LRP1B: variants seen among roughly 807,000 people sequenced by gnomAD.
The protein encoded by LRP1B is low-density lipoprotein receptor-related protein 1B.
Under a neutral mutation model 556.6 loss-of-function variants are expected in LRP1B, and 217 were observed. The observed-to-expected ratio is 0.39, with a 90% CI of 0.35 to 0.44. LRP1B has a LOEUF of 0.44. Among genes scored for constraint, LRP1B ranks in the 20% least tolerant of loss-of-function variants. The probability of loss-of-function intolerance (pLI) is 1.00; values close to 1 mark genes in which losing one functional copy is unlikely to be tolerated. For missense variants in LRP1B, 5,053 were observed against 5,620.8 expected (o/e 0.90, Z 3.23); for synonymous variants, 2,047 against 1,865.8 (o/e 1.10, Z -2.50).
At chr2:141,592,801 T>A (rs909226989) in intron 2 of LRP1B, among the ~76,000 whole-genome samples, 5 of 152,180 alleles carry the variant, frequency 3.3e-5, no homozygotes, top group Non-Finnish European at 7.4e-5. Flanking sequence ...TTAGCAACTG[T>A]TGTTACAAAT....
At chr2:141,548,327 C>T (rs141561554) in intron 2 of LRP1B, among the ~76,000 whole-genome samples, 12 of 152,140 alleles carry the variant, frequency 7.9e-5, no homozygotes, top group Non-Finnish European at 1.8e-4. Flanking sequence ...GTCACTGTAA[C>T]TGGAGGATGA....
chr2:142,114,918 TAATA>T (rs1422238740), intron 1 of LRP1B, among the ~76,000 whole-genome samples: 2 of 152,042 alleles, frequency 1.3e-5, no homozygotes, highest in East Asian at 3.9e-4. Flanking sequence ...CAAAAAGAAA[TAATA>T]AATGTTTGAG....
At chr2:140,474,041 CTAAG>C (rs763582541) in intron 60 of LRP1B, among the ~76,000 whole-genome samples, 4 of 151,958 alleles carry the variant, frequency 2.6e-5, no homozygotes, top group East Asian at 3.9e-4. Flanking sequence ...ATGTCAACAC[CTAAG>C]TAAGTGACTC....
chr2:141,866,257 T>A (rs908524179), intron 1 of LRP1B, among the ~76,000 whole-genome samples: 2 of 152,206 alleles, frequency 1.3e-5, no homozygotes, highest in African/African-American at 4.8e-5. Flanking sequence ...AGAGAAAAAT[T>A]GAAAAATTGT....
intron 2 of LRP1B, among the ~76,000 whole-genome samples, chr2:141,736,211 C>T (rs1253906420): frequency 1.3e-5 from 2 of 152,062 alleles, no homozygotes; most frequent in Non-Finnish European, 2.9e-5. Flanking sequence ...TTCATAATGG[C>T]TCTGGATGGG....
chr2:142,062,288 C>T (rs1453935900), intron 1 of LRP1B, among the ~76,000 whole-genome samples: 1 of 151,788 alleles, frequency 6.6e-6, no homozygotes, highest in Non-Finnish European at 1.5e-5. Flanking sequence ...ATACTGTCAC[C>T]TCTCTGACCT....
chr2:141,307,858 T>C (rs961338772), intron 3 of LRP1B, among the ~76,000 whole-genome samples: 1 of 152,152 alleles, frequency 6.6e-6, no homozygotes, highest in Non-Finnish European at 1.5e-5. Flanking sequence ...TGTGGGCAGG[T>C]TCTTACGGTC....
intron 1 of LRP1B, among the ~76,000 whole-genome samples, chr2:141,865,523 C>T (rs909171510): frequency 2.2e-5 from 3 of 134,042 alleles, no homozygotes; most frequent in Admixed American, 8.0e-5. Context: ...ACCCGGGAGG[C>T]GGAGCTTGCA....
intron 1 of LRP1B, among the ~76,000 whole-genome samples, chr2:142,026,911 C>T (rs531300183): frequency 4.9e-4 from 75 of 151,982 alleles, no homozygotes; most frequent in Non-Finnish European, 1.0e-3. Flanking sequence ...AGAAGAATTG[C>T]CTTTCTCCTA....
intron 86 of LRP1B, among the ~76,000 whole-genome samples, chr2:140,261,582 T>C (rs1157511364): frequency 6.6e-6 from 1 of 151,712 alleles, no homozygotes; most frequent in Admixed American, 6.6e-5. Context: ...AATAACCTAA[T>C]TATTAACACC....
intron 1 of LRP1B, among the ~76,000 whole-genome samples, chr2:141,880,508 T>C (rs1376723809): frequency 2.0e-5 from 3 of 151,862 alleles, no homozygotes; most frequent in African/African-American, 4.8e-5. Flanking sequence ...AAACTAATAA[T>C]AATGTAAAAA....
At chr2:140,743,987 AAAAAGT>A (rs1408747556) in intron 35 of LRP1B, among the ~76,000 whole-genome samples, 455 of 29,866 alleles carry the variant, frequency 0.015, 152 homozygotes, top group Non-Finnish European at 0.037. Context: ...AAAAAAAAAA[AAAAAGT>A]AAAAAGTAAA....
intron 87 of LRP1B, among the ~76,000 whole-genome samples, chr2:140,241,880 T>C (rs1680962584): frequency 6.6e-6 from 1 of 150,984 alleles, no homozygotes; most frequent in Admixed American, 6.6e-5. Context: ...TAACAGTACA[T>C]TGTTAATAGA....
intron 7 of LRP1B, among the ~76,000 whole-genome samples, chr2:141,133,290 C>CTTT (rs3063810): frequency 0.014 from 1,956 of 137,202 alleles, 75 homozygotes; most frequent in African/African-American, 0.047. Context: ...TGTAACGTCT[C>CTTT]TTTTTTTTTT....
rs184116168 is a variant in LRP1B at position 140,776,388 on chromosome 2, T to C, written c.5360-150A>G. 2,751 of 479,730 alleles carry C rather than the reference T, an allele frequency of 5.7e-3. 23 individuals carry two copies. The highest frequency in any genetic ancestry group is 6.9e-3 in the South Asian group (125 of 18,094). The allele number at this position is 479,730 out of a possible 1,614,324, so 29.7% of individuals were successfully genotyped here. A position where few individuals can be genotyped will look rare whatever the true frequency, so the allele number is the denominator to read the frequency against. On this transcript the variant is annotated intron_variant, in intron 32 of 90. Transcript: ENST00000389484. ...GAAACAGTAAAATCACTGTCACATTTAAAAATGCAGCTCGTAGTGACATTT... is the reference window on the plus strand; with the variant it reads ...GAAACAGTAAAATCACTGTCACATTCAAAAATGCAGCTCGTAGTGACATTT...
chr2:141,001,910 C>T (rs1403714519), intron 15 of LRP1B, among the ~76,000 whole-genome samples: 3 of 152,076 alleles, frequency 2.0e-5, no homozygotes, highest in African/African-American at 7.2e-5. Context: ...TTGGTAGAAA[C>T]TGAAAAATTA....
chr2:141,781,450 G>A (rs114855533), intron 2 of LRP1B, among the ~76,000 whole-genome samples: 1,666 of 152,206 alleles, frequency 0.011, 28 homozygotes, highest in Non-Finnish European at 0.019. Flanking sequence ...GTCTCTATGA[G>A]TTAGCATCTT....
chr2:140,912,599 A>G (rs776923542), intron 21 of LRP1B, among the ~76,000 whole-genome samples: 3 of 151,774 alleles, frequency 2.0e-5, no homozygotes, highest in Non-Finnish European at 4.4e-5. Context: ...GTTGAGCTCT[A>G]CAAAATATTT....
At chr2:141,252,860 A>G (rs981627112) in intron 4 of LRP1B, among the ~76,000 whole-genome samples, 19 of 152,164 alleles carry the variant, frequency 1.2e-4, no homozygotes, top group Non-Finnish European at 2.4e-4. Flanking sequence ...CTCAAGGAGT[A>G]TAGAGAAAGT....
Sources: allele counts gnomAD v4.1 joint callset (sites outside exome capture counted in the v4.1 genomes callset), GRCh38; gene constraint gnomAD v4.1.1; transcripts MANE v1.5; gene names NCBI Gene and HGNC (gene_info 2026-07-23, HGNC 2026-07-21).